Variants in RALGAPA2 observed in about 807,000 individuals in gnomAD.
RALGAPA2 encodes Ral GTPase activating protein catalytic subunit alpha 2.
A neutral mutation model predicts 230.4 loss-of-function variants in RALGAPA2; 139 were observed. That is an observed-to-expected ratio of 0.60 (90% CI 0.53 to 0.69). The LOEUF is 0.69. Among genes scored for constraint, RALGAPA2 ranks in the 30% least tolerant of loss-of-function variants. The pLI is 0.00. For missense variants in RALGAPA2, 2,163 were observed against 2,276.0 expected, an observed-to-expected ratio of 0.95 and a Z score of 1.01; for synonymous variants, 847 against 837.8, an observed-to-expected ratio of 1.01 and a Z score of -0.19.
intron 1 of RALGAPA2, among the ~76,000 whole-genome samples, chr20:20,697,109 A>T (rs2069143233): frequency 6.6e-6 from 1 of 152,210 alleles, no homozygotes; most frequent in African/African-American, 2.4e-5. Flanking sequence ...CAAATAGCAG[A>T]CACTCAGTCA....
chr20:20,591,684 C>CCA (rs148734336), intron 16 of RALGAPA2, among the ~76,000 whole-genome samples: 3,217 of 147,546 alleles, frequency 0.022, 94 homozygotes, highest in African/African-American at 0.065. Context: ...GAACAGAAAA[C>CCA]CACACACACA....
intron 37 of RALGAPA2, among the ~76,000 whole-genome samples, chr20:20,469,709 G>A (rs1469345709): frequency 1.3e-5 from 2 of 152,170 alleles, no homozygotes; most frequent in Non-Finnish European, 2.9e-5. Context: ...TGAAAACCTT[G>A]GCTCAAATGG....
chr20:20,658,982 A>T (rs1380724501), intron 3 of RALGAPA2, among the ~76,000 whole-genome samples: 2 of 152,242 alleles, frequency 1.3e-5, no homozygotes. Flanking sequence ...CTAACATGTT[A>T]CATCTGAAAG....
At chr20:20,591,142 A>C in intron 17 of RALGAPA2, 35 bp downstream of exon 17, 1 of 1,603,286 alleles carries the variant, frequency 6.2e-7, no homozygotes, top group Non-Finnish European at 8.5e-7. Flanking sequence ...GCCAGAATCT[A>C]TAGTTCTGTA....
intron 37 of RALGAPA2, among the ~76,000 whole-genome samples, chr20:20,439,543 A>T (rs2060690198): frequency 6.6e-6 from 1 of 152,172 alleles, no homozygotes; most frequent in Non-Finnish European, 1.5e-5. Flanking sequence ...AGGTATCACT[A>T]GAGAGACTAA....
At chr20:20,679,614 G>GA (rs11483171) in intron 2 of RALGAPA2, among the ~76,000 whole-genome samples, 8,621 of 149,432 alleles carry the variant, frequency 0.058, 330 homozygotes, top group East Asian at 0.16. Flanking sequence ...TTTGCTGCAA[G>GA]AAAAAAAAAA....
Position 20,680,729 on chromosome 20 carries a change from T to C in RALGAPA2, c.179A>G (p.Glu60Gly). ...ACTATTTTCCAGTGCTATAAAATTTTCATAGAAGATGAAATATATCTGAGA... is the reference window on the plus strand; with the variant it reads ...ACTATTTTCCAGTGCTATAAAATTTCCATAGAAGATGAAATATATCTGAGA... Reference protein sequence around the residue: ...NYSQIYFIFYENFIALENSLK... With the variant: ...NYSQIYFIFYGNFIALENSLK... The change falls in exon 2 of 40, where the codon GAA (glutamate) becomes GGA (glycine). Residue 60 changes from glutamate (E) to glycine (G), a missense_variant. By Grantham distance (98) the Glu-to-Gly change is moderately conservative. Coordinates refer to ENST00000202677, the MANE Select transcript of RALGAPA2 (RefSeq NM_020343.4). 1 of 1,583,214 alleles carries C rather than the reference T, an allele frequency of 6.3e-7. No homozygotes were observed. The highest frequency in any genetic ancestry group is 1.2e-5 in the South Asian group (1 of 83,686).
intron 24 of RALGAPA2, among the ~76,000 whole-genome samples, chr20:20,536,995 C>A (rs746872853): frequency 6.6e-6 from 1 of 152,080 alleles, no homozygotes; most frequent in Non-Finnish European, 1.5e-5. Context: ...TGGATGTAAA[C>A]AAGTGTTGTG....
At chr20:20,611,454 T>C (rs966849046) in intron 13 of RALGAPA2, 28 bp from the exon 14 acceptor site, 3 of 1,603,650 alleles carry the variant, frequency 1.9e-6, no homozygotes, top group Non-Finnish European at 1.7e-6. Context: ...AAAGCTCATA[T>C]TAATAATCAT....
At chr20:20,566,429 G>A (rs1406692183) in intron 23 of RALGAPA2, among the ~76,000 whole-genome samples, 2 of 152,094 alleles carry the variant, frequency 1.3e-5, no homozygotes, top group African/African-American at 2.4e-5. Context: ...TTCTCCACAC[G>A]TTGTAAAATT....
intron 1 of RALGAPA2, among the ~76,000 whole-genome samples, chr20:20,699,048 T>G (rs1667762893): frequency 6.6e-6 from 1 of 152,256 alleles, no homozygotes; most frequent in African/African-American, 2.4e-5. Flanking sequence ...AACATTCTTA[T>G]GGGTCTTGGC....
At chr20:20,477,158 T>C (rs188794793) in intron 36 of RALGAPA2, among the ~76,000 whole-genome samples, 1 of 152,308 alleles carries the variant, frequency 6.6e-6, no homozygotes, top group Admixed American at 6.5e-5. Context: ...TGTGTTCACT[T>C]TGAAAACATC....
intron 24 of RALGAPA2, among the ~76,000 whole-genome samples, chr20:20,544,047 C>T (rs1319769998): frequency 6.6e-6 from 1 of 151,898 alleles, no homozygotes; most frequent in African/African-American, 2.4e-5. Flanking sequence ...AAAAAAAGCT[C>T]ATCATCACTG....
intron 37 of RALGAPA2, among the ~76,000 whole-genome samples, chr20:20,467,294 G>A (rs1325184679): frequency 6.6e-6 from 1 of 152,148 alleles, no homozygotes; most frequent in Non-Finnish European, 1.5e-5. Context: ...CACAGTAAGT[G>A]TGTTCCGGAT....
intron 30 of RALGAPA2, among the ~76,000 whole-genome samples, chr20:20,523,806 G>C (rs2063114542): frequency 6.6e-6 from 1 of 152,168 alleles, no homozygotes; most frequent in Non-Finnish European, 1.5e-5. Flanking sequence ...TCTTTAAGTA[G>C]ACATAGAACA....
intron 37 of RALGAPA2, chr20:20,471,722 C>A (rs1487073486): frequency 2.0e-5 from 3 of 152,134 alleles, no homozygotes; most frequent in African/African-American, 7.2e-5. Context: ...CCTGCCCTGG[C>A]CCCCAGGGGA....
chr20:20,671,484 G>A (rs1318426425), intron 3 of RALGAPA2, among the ~76,000 whole-genome samples: 2 of 152,044 alleles, frequency 1.3e-5, no homozygotes, highest in East Asian at 3.8e-4. Flanking sequence ...CTCTTTACAA[G>A]CTTTACAGGG....
intron 36 of RALGAPA2, among the ~76,000 whole-genome samples, chr20:20,485,761 T>C (rs935028088): frequency 8.5e-5 from 13 of 152,254 alleles, no homozygotes; most frequent in African/African-American, 3.1e-4. Flanking sequence ...ATTGCTATCA[T>C]TTATTATTCA....
chr20:20,433,826 C>A (rs2060548897), intron 37 of RALGAPA2, among the ~76,000 whole-genome samples: 1 of 152,112 alleles, frequency 6.6e-6, no homozygotes, highest in Admixed American at 6.5e-5. Flanking sequence ...CAGACAAGTG[C>A]TAAAATACTT....
Sources: allele counts gnomAD v4.1 joint callset (sites outside exome capture counted in the v4.1 genomes callset), GRCh38; gene constraint gnomAD v4.1.1; transcripts MANE v1.5; gene names NCBI Gene and HGNC (gene_info 2026-07-23, HGNC 2026-07-21).